CCDC152: variants seen among roughly 807,000 people sequenced by gnomAD.
CCDC152 encodes coiled-coil domain-containing protein 152.
A neutral mutation model predicts 38.1 loss-of-function variants in CCDC152; 37 were observed. The observed-to-expected ratio is 0.97, with a 90% CI of 0.75 to 1.28. CCDC152 has a LOEUF of 1.28. Among genes scored for constraint, CCDC152 ranks in the 50% most tolerant of loss-of-function variants. CCDC152 has a pLI of 0.00. For missense variants in CCDC152, 259 were observed against 292.1 expected (o/e 0.89, Z 0.83); for synonymous variants, 83 against 87.1 (o/e 0.95, Z 0.26).
chr5:42,776,790 A>T (rs562780984), intron 4 of CCDC152, among the ~76,000 whole-genome samples: 1 of 152,240 alleles, frequency 6.6e-6, no homozygotes, highest in Non-Finnish European at 1.5e-5. Flanking sequence ...ATATATGCAG[A>T]TTAAAGAACA....
intron 6 of CCDC152, among the ~76,000 whole-genome samples, chr5:42,787,330 C>T (rs946757832): frequency 6.6e-6 from 1 of 151,724 alleles, no homozygotes; most frequent in African/African-American, 2.4e-5. Context: ...TTTTTAATTC[C>T]AGAAGTTTTT....
chr5:42,793,232 A>G (rs2111593940), intron 6 of CCDC152, among the ~76,000 whole-genome samples: 1 of 152,354 alleles, frequency 6.6e-6, no homozygotes, highest in Admixed American at 6.5e-5. Flanking sequence ...AACATTCTTG[A>G]AAATGAAAAT....
chr5:42,784,611 C>T (rs966859162), intron 6 of CCDC152, among the ~76,000 whole-genome samples: 1 of 151,626 alleles, frequency 6.6e-6, no homozygotes, highest in African/African-American at 2.4e-5. Flanking sequence ...TCTTTAAATC[C>T]GATTTGTCTA....
intron 7 of CCDC152, 40 bp downstream of exon 7, chr5:42,796,996 C>T: frequency 7.2e-7 from 1 of 1,386,780 alleles, no homozygotes; most frequent in Non-Finnish European, 9.7e-7. Context: ...GGACACATCC[C>T]TTAGTCTAAA....
chr5:42,786,340 C>T (rs1344953061), intron 6 of CCDC152, among the ~76,000 whole-genome samples: 1 of 151,964 alleles, frequency 6.6e-6, no homozygotes, highest in Non-Finnish European at 1.5e-5. Flanking sequence ...TCAGTTTCTT[C>T]CTGGTTCAAT....
chr5:42,785,098 T>A (rs1000979861), intron 6 of CCDC152, among the ~76,000 whole-genome samples: 1 of 152,168 alleles, frequency 6.6e-6, no homozygotes, highest in Non-Finnish European at 1.5e-5. Context: ...TCTGTTTTGG[T>A]TCCATATAAA....
chr5:42,780,197 T>G (rs922188167), intron 5 of CCDC152, among the ~76,000 whole-genome samples: 6 of 152,164 alleles, frequency 3.9e-5, no homozygotes, highest in Non-Finnish European at 8.8e-5. Context: ...AAAACTCAAG[T>G]TGAATCTATA....
chr5:42,782,303 G>A (rs1233156804), intron 5 of CCDC152, among the ~76,000 whole-genome samples: 1 of 152,082 alleles, frequency 6.6e-6, no homozygotes, highest in East Asian at 1.9e-4. Context: ...GTATAGTTTT[G>A]GCTTATATTG....
Position 42,796,824 on chromosome 5 carries a change from T to G in CCDC152, c.431-5T>G. 3.6e-6 allele frequency: 5 copies of G among 1,403,838 alleles called. No homozygotes were observed. Among genetic ancestry groups the G allele is most frequent in the Non-Finnish European group, 4.7e-6 (5 of 1,055,440 alleles). 87.0% of individuals were successfully genotyped at this position (1,403,838 alleles called of 1,614,324 possible). On this transcript the variant is annotated splice_polypyrimidine_tract_variant and splice_region_variant and intron_variant, in intron 6 of 8. Transcript: ENST00000361970. ...AATGAATTTTATTTATTTCATTTTATTCAGTTGAATTAAATGAAGAAAAGC... is the reference window on the plus strand; with the variant it reads ...AATGAATTTTATTTATTTCATTTTAGTCAGTTGAATTAAATGAAGAAAAGC...
At chr5:42,771,955 A>G (rs190613007) in intron 4 of CCDC152, among the ~76,000 whole-genome samples, 35 of 152,324 alleles carry the variant, frequency 2.3e-4, no homozygotes, top group South Asian at 6.2e-4. Context: ...AAGACACTGC[A>G]AGGAAAGAAA....
At chr5:42,784,515 G>C (rs561980393) in intron 6 of CCDC152, among the ~76,000 whole-genome samples, 69 of 152,136 alleles carry the variant, frequency 4.5e-4, no homozygotes, top group Non-Finnish European at 7.7e-4. Flanking sequence ...TTAGTCCTTT[G>C]GTGGATATAC....
intron 4 of CCDC152, among the ~76,000 whole-genome samples, chr5:42,779,169 T>A (rs1759808695): frequency 2.6e-5 from 4 of 152,292 alleles, no homozygotes; most frequent in African/African-American, 9.6e-5. Context: ...TAGGTTTTCT[T>A]TTTACAGGTT....
chr5:42,780,779 T>C (rs1435572167), intron 5 of CCDC152, among the ~76,000 whole-genome samples: 1 of 152,122 alleles, frequency 6.6e-6, no homozygotes, highest in Non-Finnish European at 1.5e-5. Flanking sequence ...AATAGCAGTA[T>C]TTGTGAGAGT....
chr5:42,783,202 C>T (rs1759871850), intron 5 of CCDC152, among the ~76,000 whole-genome samples: 1 of 151,938 alleles, frequency 6.6e-6, no homozygotes, highest in Admixed American at 6.6e-5. Context: ...ATACTTTATA[C>T]ATACAAAAAA....
intron 4 of CCDC152, among the ~76,000 whole-genome samples, chr5:42,774,990 A>G (rs1343183883): frequency 6.6e-6 from 1 of 151,568 alleles, no homozygotes; most frequent in Admixed American, 6.6e-5. Flanking sequence ...GAGCTTGAGA[A>G]TATGTCAATA....
intron 6 of CCDC152, among the ~76,000 whole-genome samples, chr5:42,796,476 C>T (rs1409652655): frequency 6.6e-6 from 1 of 152,192 alleles, no homozygotes; most frequent in African/African-American, 2.4e-5. Flanking sequence ...GCAGGGGCTT[C>T]ATGTAGCTCT....
intron 7 of CCDC152, among the ~76,000 whole-genome samples, chr5:42,797,378 C>T (rs1330863833): frequency 1.3e-5 from 2 of 152,236 alleles, no homozygotes; most frequent in East Asian, 3.9e-4. Context: ...ATGCTCTTTT[C>T]TGTATATGTC....
chr5:42,762,400 C>A, intron 2 of CCDC152, 43 bp from the exon 3 acceptor site: 2 of 1,008,712 alleles, frequency 2.0e-6, no homozygotes. Flanking sequence ...ATTAAACTAG[C>A]AGCATTGATT....
At chr5:42,780,203 C>T (rs1759825893) in intron 5 of CCDC152, among the ~76,000 whole-genome samples, 1 of 152,134 alleles carries the variant, frequency 6.6e-6, no homozygotes, top group Admixed American at 6.6e-5. Flanking sequence ...CAAGTTGAAT[C>T]TATAGGAGCT....
Sources: gnomAD v4.1 joint callset for allele counts (sites outside exome capture counted in the v4.1 genomes callset) on GRCh38, gnomAD v4.1.1 for gene constraint, MANE v1.5 for transcripts, NCBI Gene and HGNC (gene_info 2026-07-23, HGNC 2026-07-21) for gene names.